Variants in SLC35F4 observed in about 807,000 individuals in gnomAD.
SLC35F4 encodes chromosome 14 open reading frame 36.
In SLC35F4, 24 loss-of-function variants were observed where a neutral mutation model predicts 44.2. That is an observed-to-expected ratio of 0.54 (90% CI 0.39 to 0.76). SLC35F4 has a LOEUF of 0.76. Among genes scored for constraint, SLC35F4 ranks in the 30% least tolerant of loss-of-function variants. The pLI is 0.00. For synonymous variants in SLC35F4, 238 were observed against 223.6 expected (o/e 1.06, Z -0.57); for missense variants, 562 against 586.1 (o/e 0.96, Z 0.42).
chr14:57,653,715 A>C (rs17724743), intron 1 of SLC35F4, among the ~76,000 whole-genome samples: 9,583 of 152,266 alleles, frequency 0.063, 444 homozygotes, highest in South Asian at 0.096. Context: ...TTTGCTGCCA[A>C]TGTGCAGAAG....
chr14:57,695,950 C>T (rs534517021), intron 1 of SLC35F4, among the ~76,000 whole-genome samples: 4 of 152,042 alleles, frequency 2.6e-5, no homozygotes, highest in Non-Finnish European at 5.9e-5. Context: ...GGATTAAAGA[C>T]TTAAATGTAA....
rs79610051 is a variant in SLC35F4 at position 57,661,592 on chromosome 14, A to C, written c.104-67468T>G. 1.0e-2 allele frequency among the ~76,000 whole-genome samples: 1,519 copies of C among 152,312 alleles called. 11 individuals are homozygous for C. The highest frequency in any genetic ancestry group is 0.015 in the Non-Finnish European group (1,052 of 68,018). Reference sequence around the variant, plus strand: ...TCCAACCCTACTGATAATAGAGATAAGTTTCCTAAAGGACTTGAGTCATAA... The same window carrying C: ...TCCAACCCTACTGATAATAGAGATACGTTTCCTAAAGGACTTGAGTCATAA... On this transcript the variant is annotated intron_variant, in intron 1 of 7. Coordinates refer to ENST00000556826, the MANE Select transcript of SLC35F4 (RefSeq NM_001306087.2).
intron 1 of SLC35F4, among the ~76,000 whole-genome samples, chr14:57,734,193 G>T (rs1056733753): frequency 2.0e-5 from 3 of 152,148 alleles, no homozygotes; most frequent in Admixed American, 6.5e-5. Context: ...TGGAAATAGG[G>T]TGTGTTTGGA....
intron 3 of SLC35F4, among the ~76,000 whole-genome samples, chr14:57,588,993 T>C (rs1426602114): frequency 1.3e-5 from 2 of 152,168 alleles, no homozygotes; most frequent in Admixed American, 1.3e-4. Context: ...CCACCGGTCA[T>C]AATAAGTTAT....
chr14:57,691,710 C>T (rs1323397933), intron 1 of SLC35F4, among the ~76,000 whole-genome samples: 1 of 152,110 alleles, frequency 6.6e-6, no homozygotes, highest in African/African-American at 2.4e-5. Flanking sequence ...TAAAGATATT[C>T]AGCTGGGCTC....
intron 1 of SLC35F4, among the ~76,000 whole-genome samples, chr14:57,703,674 C>G (rs1217094105): frequency 1.3e-5 from 2 of 152,196 alleles, no homozygotes; most frequent in African/African-American, 4.8e-5. Context: ...TTGACATAAT[C>G]AAGCTATTCT....
At position 57,886,723 on chromosome 14, in the gene SLC35F4, TC is replaced by T. The variant is rs546732037; in HGVS notation, n.282+95189del. The stretch of plus-strand genomic sequence containing the variant: ...GGTAGAGGCCTCTGCAAAGGCCATG[TC>T]TTTTTACAGAGCTCTTTAGTAAGCT... On this transcript the variant is annotated intron_variant and non_coding_transcript_variant, in intron 1 of 1. Transcript: ENST00000556568. 5.3e-4 allele frequency among the ~76,000 whole-genome samples: 80 copies of T among 152,224 alleles called. 1 individual carries two copies. The highest frequency in any genetic ancestry group is 3.4e-3 in the Admixed American group (52 of 15,294).
chr14:57,631,874 G>C (rs2072793331), intron 1 of SLC35F4, among the ~76,000 whole-genome samples: 1 of 152,026 alleles, frequency 6.6e-6, no homozygotes, highest in African/African-American at 2.4e-5. Context: ...ATTAAAAAAA[G>C]TCTCGGATTG....
intron 1 of SLC35F4, among the ~76,000 whole-genome samples, chr14:57,617,495 T>A (rs952262453): frequency 6.6e-6 from 1 of 152,168 alleles, no homozygotes; most frequent in East Asian, 1.9e-4. Context: ...TACCTTTATA[T>A]ACATTATATG....
At chr14:57,962,762 T>C (rs1890361943) in intron 1 of SLC35F4, among the ~76,000 whole-genome samples, 1 of 152,188 alleles carries the variant, frequency 6.6e-6, no homozygotes, top group Non-Finnish European at 1.5e-5. Context: ...GAGAATTTTG[T>C]CTCCTCCCAC....
chr14:57,915,952 A>G (rs1335777199), intron 1 of SLC35F4, among the ~76,000 whole-genome samples: 1 of 151,934 alleles, frequency 6.6e-6, no homozygotes, highest in African/African-American at 2.4e-5. Context: ...CCACTCCCAC[A>G]TTTTCAGATA....
intron 1 of SLC35F4, among the ~76,000 whole-genome samples, chr14:57,649,632 T>C (rs2140194063): frequency 6.6e-6 from 1 of 152,144 alleles, no homozygotes; most frequent in South Asian, 2.1e-4. Flanking sequence ...CTCTGAGGGG[T>C]CATTATTCTG....
At chr14:57,780,677 T>C (rs974093712) in intron 1 of SLC35F4, among the ~76,000 whole-genome samples, 1 of 152,064 alleles carries the variant, frequency 6.6e-6, no homozygotes, top group African/African-American at 2.4e-5. Context: ...ACTACTTGAC[T>C]TGAAACTATG....
chr14:57,609,771 A>G (rs1393821673), intron 1 of SLC35F4, among the ~76,000 whole-genome samples: 1 of 152,232 alleles, frequency 6.6e-6, no homozygotes, highest in African/African-American at 2.4e-5. Context: ...GCTTTGGAAT[A>G]AGGTAAAAAT....
chr14:57,690,139 T>A lies in SLC35F4; in HGVS notation c.104-96015A>T, dbSNP rs544566270. 3.3e-5 allele frequency among the ~76,000 whole-genome samples: 5 copies of A among 152,306 alleles called. No homozygotes were observed. In the East Asian group the frequency reaches 9.7e-4, roughly 29 times the overall value. On this transcript the variant is annotated intron_variant, in intron 1 of 7. Coordinates refer to ENST00000556826, the MANE Select transcript of SLC35F4 (RefSeq NM_001306087.2). ...ATATAACCAATTGACCAAGTCAGCA[T>A]CTCATGGAATGAGTTAGCTACTCCT...
At chr14:57,808,793 G>A (rs926577081) in intron 1 of SLC35F4, among the ~76,000 whole-genome samples, 15 of 152,282 alleles carry the variant, frequency 9.9e-5, no homozygotes, top group African/African-American at 3.6e-4. Context: ...GTGACAGAGC[G>A]AGACTCCGTC....
chr14:57,743,319 G>C (rs1247814390), intron 1 of SLC35F4, among the ~76,000 whole-genome samples: 1 of 152,146 alleles, frequency 6.6e-6, no homozygotes, highest in African/African-American at 2.4e-5. Flanking sequence ...AAAATTGATA[G>C]GCCGCTAGCA....
intron 1 of SLC35F4, among the ~76,000 whole-genome samples, chr14:57,682,388 G>A (rs573561201): frequency 4.1e-4 from 62 of 152,186 alleles, no homozygotes; most frequent in African/African-American, 1.3e-3. Flanking sequence ...GGAAACTAAC[G>A]CAAGAATAGA....
intron 1 of SLC35F4, among the ~76,000 whole-genome samples, chr14:57,746,483 A>G (rs1309506552): frequency 6.6e-6 from 1 of 152,122 alleles, no homozygotes; most frequent in Non-Finnish European, 1.5e-5. Flanking sequence ...TCAACCTTGC[A>G]TCTCTGGAAA....
Sources: allele counts gnomAD v4.1 joint callset (sites outside exome capture counted in the v4.1 genomes callset), GRCh38; gene constraint gnomAD v4.1.1; transcripts MANE v1.5; gene names NCBI Gene and HGNC (gene_info 2026-07-23, HGNC 2026-07-21).